Variants in GBE1 observed in about 807,000 individuals in gnomAD.
GBE1 encodes the protein 1,4-alpha-glucan branching enzyme 1.
Under a neutral mutation model 88.8 loss-of-function variants are expected in GBE1, and 70 were observed. The observed-to-expected ratio is 0.79, with a 90% CI of 0.65 to 0.96. GBE1 has a LOEUF of 0.96. Among genes scored for constraint, GBE1 ranks in the 40% least tolerant of loss-of-function variants. The pLI is 0.00. For synonymous variants in GBE1, 284 were observed against 300.1 expected (o/e 0.95, Z 0.56); for missense variants, 872 against 871.0 (o/e 1.00, Z -0.01).
At chr3:81,615,057 TAAAG>T (rs1343072371) in intron 7 of GBE1, among the ~76,000 whole-genome samples, 1 of 152,002 alleles carries the variant, frequency 6.6e-6, no homozygotes, top group Non-Finnish European at 1.5e-5. Flanking sequence ...GTTTTAAAAA[TAAAG>T]AATCTATTTG....
At chr3:81,511,161 T>C (rs558034332) in intron 14 of GBE1, among the ~76,000 whole-genome samples, 2 of 152,194 alleles carry the variant, frequency 1.3e-5, no homozygotes, top group South Asian at 4.1e-4. Flanking sequence ...CCTTTCACCA[T>C]ATACAAAAAT....
chr3:81,647,590 T>C (rs771023212), intron 5 of GBE1, among the ~76,000 whole-genome samples: 27 of 152,282 alleles, frequency 1.8e-4, no homozygotes, highest in Non-Finnish European at 2.6e-4. Flanking sequence ...TGTTCGAATA[T>C]GATTTCATTA....
chr3:81,545,218 T>C (rs1703190956), intron 12 of GBE1, among the ~76,000 whole-genome samples: 1 of 143,410 alleles, frequency 7.0e-6, no homozygotes, highest in Non-Finnish European at 1.6e-5. Flanking sequence ...GGGCCTGTGA[T>C]TTTTCTTTAA....
chr3:81,727,535 G>A (rs1706131141), intron 1 of GBE1, among the ~76,000 whole-genome samples: 1 of 152,158 alleles, frequency 6.6e-6, no homozygotes, highest in South Asian at 2.1e-4. Context: ...TTGCACAGTG[G>A]TGATGTCTGG....
intron 7 of GBE1, among the ~76,000 whole-genome samples, chr3:81,606,704 T>C (rs1704106663): frequency 6.6e-6 from 1 of 152,232 alleles, no homozygotes; most frequent in African/African-American, 2.4e-5. Context: ...CAAATGTCAA[T>C]TAGATTTCAC....
At chr3:81,609,794 G>A (rs1704148265) in intron 7 of GBE1, among the ~76,000 whole-genome samples, 1 of 152,070 alleles carries the variant, frequency 6.6e-6, no homozygotes, top group South Asian at 2.1e-4. Context: ...ACCTACTTTG[G>A]AAAGAATTGC....
chr3:81,711,451 G>C (rs1350572514), intron 1 of GBE1, among the ~76,000 whole-genome samples: 1 of 152,138 alleles, frequency 6.6e-6, no homozygotes, highest in Non-Finnish European at 1.5e-5. Flanking sequence ...TTATTAAATA[G>C]GGAATCCTTT....
chr3:81,695,839 G>A (rs1446415512), intron 2 of GBE1, among the ~76,000 whole-genome samples: 2 of 152,124 alleles, frequency 1.3e-5, no homozygotes, highest in Non-Finnish European at 2.9e-5. Context: ...ATTATTTTCA[G>A]CTTCCTGATC....
intron 2 of GBE1, among the ~76,000 whole-genome samples, chr3:81,688,422 T>C (rs1705471092): frequency 6.6e-6 from 1 of 152,184 alleles, no homozygotes; most frequent in Non-Finnish European, 1.5e-5. Context: ...TCAACAAGGA[T>C]TTACTAAAAG....
chr3:81,639,904 G>A lies in GBE1; in HGVS notation c.992+2877C>T, dbSNP rs567592307. The stretch of plus-strand genomic sequence containing the variant: ...ATATGAGCCACCCCAGGGGACACAA[G>A]GTGAAGAAAAGAAGAGCAGTCCACA... On this transcript the variant is annotated intron_variant, in intron 7 of 15. Coordinates refer to ENST00000429644, the MANE Select transcript of GBE1 (RefSeq NM_000158.4). Among the ~76,000 whole-genome samples the A allele has an allele frequency of 1.4e-4, 21 of 152,132 alleles. 1 individual carries two copies. Among genetic ancestry groups the A allele is most frequent in the Middle Eastern group, 3.4e-3 (1 of 294 alleles).
At chr3:81,710,364 A>G (rs1458175851) in intron 1 of GBE1, among the ~76,000 whole-genome samples, 1 of 148,760 alleles carries the variant, frequency 6.7e-6, no homozygotes, top group Non-Finnish European at 1.5e-5. Context: ...CCTCCCGAGC[A>G]GCTGGGACTA....
intron 7 of GBE1, among the ~76,000 whole-genome samples, chr3:81,601,897 C>T (rs915522465): frequency 6.6e-6 from 1 of 152,152 alleles, no homozygotes; most frequent in African/African-American, 2.4e-5. Context: ...GTACCAGGCA[C>T]AATGCCAGGT....
At chr3:81,559,111 G>A (rs1460260326) in intron 12 of GBE1, among the ~76,000 whole-genome samples, 15 of 151,962 alleles carry the variant, frequency 9.9e-5, no homozygotes, top group East Asian at 1.9e-4. Flanking sequence ...TTAGCTACTC[G>A]AGAAGTATTT....
intron 1 of GBE1, among the ~76,000 whole-genome samples, chr3:81,740,272 T>C (rs1706327201): frequency 8.5e-6 from 1 of 117,392 alleles, no homozygotes; most frequent in Non-Finnish European, 1.7e-5. Flanking sequence ...AGTGTATTGG[T>C]TATTTATTAT....
chr3:81,654,967 C>T (rs186948993), intron 3 of GBE1: 1 of 152,210 alleles, frequency 6.6e-6, no homozygotes, highest in East Asian at 1.9e-4. Flanking sequence ...GCTGTTAATC[C>T]TTTAATAGCT....
At chr3:81,613,849 TGGAAA>T (rs1275477614) in intron 7 of GBE1, among the ~76,000 whole-genome samples, 1 of 151,366 alleles carries the variant, frequency 6.6e-6, no homozygotes, top group Non-Finnish European at 1.5e-5. Flanking sequence ...TTTGTTTCAC[TGGAAA>T]GGAAAGATGA....
At chr3:81,547,993 C>T (rs1227945359) in intron 12 of GBE1, among the ~76,000 whole-genome samples, 1 of 151,354 alleles carries the variant, frequency 6.6e-6, no homozygotes, top group Non-Finnish European at 1.5e-5. Context: ...GACCTTTTAA[C>T]CACATGGCAG....
chr3:81,683,221 T>C (rs1000953692), intron 2 of GBE1, among the ~76,000 whole-genome samples: 1 of 152,212 alleles, frequency 6.6e-6, no homozygotes, highest in Non-Finnish European at 1.5e-5. Flanking sequence ...TTTAAAATGG[T>C]GAGCTGTATG....
chr3:81,563,583 A>T (rs1185941314), intron 12 of GBE1, among the ~76,000 whole-genome samples: 1 of 152,082 alleles, frequency 6.6e-6, no homozygotes, highest in African/African-American at 2.4e-5. Flanking sequence ...CTAGAGTAGC[A>T]ATCTATTCCC....
Sources: allele counts gnomAD v4.1 joint callset (sites outside exome capture counted in the v4.1 genomes callset), GRCh38; gene constraint gnomAD v4.1.1; transcripts MANE v1.5; gene names NCBI Gene and HGNC (gene_info 2026-07-23, HGNC 2026-07-21).